The following ELL variants were observed in gnomAD, a reference collection of about 807,000 sequenced individuals.
ELL encodes elongation factor for RNA polymerase II, also known as RNA polymerase II elongation factor ELL.
A neutral mutation model predicts 64.0 loss-of-function variants in ELL; 18 were observed. That is an observed-to-expected ratio of 0.28 (90% confidence interval 0.19 to 0.42). The LOEUF is 0.42. ELL is among the 10% of genes least tolerant of loss of function. The pLI is 1.00. For missense variants in ELL, 797 were observed against 870.4 expected, an observed-to-expected ratio of 0.92 and a Z score of 1.06; for synonymous variants, 399 against 376.2, an observed-to-expected ratio of 1.06 and a Z score of -0.70.
chr19:18,476,972 T>C (rs1392999327), intron 1 of ELL, among the ~76,000 whole-genome samples: 1 of 152,118 alleles, frequency 6.6e-6, no homozygotes, highest in Non-Finnish European at 1.5e-5. Flanking sequence ...GTGGTATCTA[T>C]AAGCAGAACC....
chr19:18,462,366 T>TGTGTGG (rs1392630400), intron 4 of ELL, among the ~76,000 whole-genome samples: 1 of 31,222 alleles, frequency 3.2e-5, no homozygotes, highest in Non-Finnish European at 4.9e-5. Flanking sequence ...TGTGTGTGTT[T>TGTGTGG]GGGCGGGGGG....
chr19:18,506,885 C>T (rs1975894195), intron 1 of ELL, among the ~76,000 whole-genome samples: 1 of 152,162 alleles, frequency 6.6e-6, no homozygotes, highest in Non-Finnish European at 1.5e-5. Context: ...ACGCTCTACG[C>T]CAGACATCGC....
rs1369078454 is a variant in ELL, at chr19:18,505,760, TC to T, written c.135+16160del. ...TTCCCCTGATGTCCTGGGACACAGC[TC>T]CCTGAACCCCAAAACACCCCACGGA... On this transcript the variant is annotated intron_variant, in intron 1 of 11. Transcript: ENST00000262809. Among the ~76,000 whole-genome samples the T allele has an allele frequency of 2.0e-5, 3 of 152,030 alleles. No homozygotes were observed. In the East Asian group the frequency reaches 5.8e-4, roughly 29 times the overall value.
Position 18,444,724 on chromosome 19 carries a change from C to G in ELL, c.*28G>C, listed in dbSNP as rs1974373454. Reference sequence around the variant, plus strand: ...CACCGCCTTTTGCTCCCCCGACCCTCCCAGATCCCCGCCATCGGGGAGGGC... The same window carrying G: ...CACCGCCTTTTGCTCCCCCGACCCTGCCAGATCCCCGCCATCGGGGAGGGC... On this transcript the variant is annotated 3_prime_UTR_variant, in exon 12 of 12. Transcript: ENST00000262809. 3.2e-6 allele frequency: 5 copies of G among 1,581,512 alleles called. No homozygotes were observed. The highest frequency in any genetic ancestry group is 4.3e-6 in the Non-Finnish European group (5 of 1,166,322).
At chr19:18,462,363 GTT>G (rs869165476) in intron 4 of ELL, among the ~76,000 whole-genome samples, 15 of 83,892 alleles carry the variant, frequency 1.8e-4, no homozygotes, top group African/African-American at 4.1e-4. Flanking sequence ...GTGTGTGTGT[GTT>G]TGGGCGGGGG....
At chr19:18,488,774 C>T (rs1279201552) in intron 1 of ELL, among the ~76,000 whole-genome samples, 1 of 152,180 alleles carries the variant, frequency 6.6e-6, no homozygotes, top group Non-Finnish European at 1.5e-5. Context: ...AGCCAGGTGC[C>T]TTGCTTAAGG....
In ELL at chr19:18,458,258, G is replaced by A. The variant is rs544681955; in HGVS notation, c.816C>T (p.Asp272=). ...GGTCCCCCTCCGAGTAGCCAGGCCA[G>A]TCCTTCTGCACATCCTTGTACATGC... ...QDCMYKDVQK[D]WPGYSEGDQQ... is the part of the protein sequence containing the mutation. The change falls in exon 6 of 12, where the codon GAC becomes GAT. Residue 272 remains aspartate (D), a synonymous_variant. Coordinates refer to ENST00000262809, the MANE Select transcript of ELL (RefSeq NM_006532.4). The A allele has an allele frequency of 1.2e-6, 2 of 1,613,024 alleles. No homozygotes were observed. Among genetic ancestry groups the A allele is most frequent in the African/African-American group, 2.7e-5 (2 of 75,068 alleles).
chr19:18,517,759 T>G (rs1976159203), intron 1 of ELL, among the ~76,000 whole-genome samples: 1 of 150,810 alleles, frequency 6.6e-6, no homozygotes, highest in African/African-American at 2.4e-5. Flanking sequence ...CAATGGCTCA[T>G]GCCTGTAGTC....
chr19:18,466,339 G>A (rs898787318), intron 2 of ELL, among the ~76,000 whole-genome samples: 6 of 152,230 alleles, frequency 3.9e-5, no homozygotes, highest in Non-Finnish European at 1.5e-5. Flanking sequence ...GCAACAAGAG[G>A]GGCTTGGGCA....
chr19:18,461,767 C>T lies in ELL; in HGVS notation c.555G>A (p.Ala185=), dbSNP rs528986796. Residue 185 remains alanine, a synonymous_variant, in exon 5 of 12, where the codon GCG becomes GCA. Coordinates refer to ENST00000262809, the MANE Select transcript of ELL (RefSeq NM_006532.4). The part of the protein sequence containing the change: ...SRKRATPINL[A]SAIRKSGASA... ...TGGCACCACTCTTCCTGATGGCACT[C>T]GCCAAGTTGATGGGGGTTGCCCGCT... is the stretch of plus-strand genomic sequence containing the variant. 105 of 1,614,100 alleles carry T rather than the reference C, an allele frequency of 6.5e-5. No individual in the cohort carries two copies. The South Asian group carries it at 9.8e-4, about 15-fold the overall frequency.
chr19:18,514,578 T>G (rs1976092485), intron 1 of ELL, among the ~76,000 whole-genome samples: 2 of 151,170 alleles, frequency 1.3e-5, no homozygotes, highest in Admixed American at 1.3e-4. Context: ...ATCTCTGTCA[T>G]TCACTGCACC....
At chr19:18,446,685 G>C (rs961226562) in intron 9 of ELL, 63 bp downstream of exon 9, 4 of 1,592,672 alleles carry the variant, frequency 2.5e-6, no homozygotes, top group African/African-American at 2.7e-5. Context: ...CTGCAGTGCT[G>C]GGGGAGGGGG....
intron 10 of ELL, 29 bp from the exon 11 acceptor site, chr19:18,445,297 C>T (rs1362600137): frequency 6.2e-7 from 1 of 1,612,312 alleles, no homozygotes; most frequent in African/African-American, 1.3e-5. Context: ...TTTGAGAAAA[C>T]AGAATGTGTC....
intron 1 of ELL, among the ~76,000 whole-genome samples, chr19:18,504,977 T>C (rs534298837): frequency 2.6e-5 from 4 of 152,328 alleles, no homozygotes; most frequent in South Asian, 2.1e-4. Flanking sequence ...GAAAAAACTC[T>C]TGCCTTGTGG....
intron 4 of ELL, among the ~76,000 whole-genome samples, chr19:18,462,866 G>A (rs1268506895): frequency 6.6e-6 from 1 of 152,092 alleles, no homozygotes; most frequent in Non-Finnish European, 1.5e-5. Flanking sequence ...AAGACCCTGA[G>A]GTGCAAGTGG....
At chr19:18,459,809 A>G (rs187655685) in intron 5 of ELL, among the ~76,000 whole-genome samples, 325 of 144,382 alleles carry the variant, frequency 2.3e-3, no homozygotes, top group African/African-American at 7.6e-3. Context: ...TACAGGCGTG[A>G]GCCACCGCGC....
chr19:18,480,994 T>G (rs1975288728), intron 1 of ELL, among the ~76,000 whole-genome samples: 1 of 152,144 alleles, frequency 6.6e-6, no homozygotes, highest in African/African-American at 2.4e-5. Flanking sequence ...GAAAAGGGTT[T>G]TTCAGAAATC....
intron 1 of ELL, among the ~76,000 whole-genome samples, chr19:18,473,856 T>C (rs1014476191): frequency 9.2e-5 from 14 of 151,928 alleles, no homozygotes; most frequent in Admixed American, 5.9e-4. Context: ...CCCACTGAGA[T>C]GCCCTCCCAC....
chr19:18,456,722 A>G (rs1974684387), intron 6 of ELL, among the ~76,000 whole-genome samples: 1 of 152,040 alleles, frequency 6.6e-6, no homozygotes, highest in Non-Finnish European at 1.5e-5. Flanking sequence ...AACAAAGAGA[A>G]CATGAGTGGA....
Sources: allele counts gnomAD v4.1 joint callset (sites outside exome capture counted in the v4.1 genomes callset), GRCh38; gene constraint gnomAD v4.1.1; transcripts MANE v1.5; gene names NCBI Gene and HGNC (gene_info 2026-07-23, HGNC 2026-07-21).